Variants in ZNF385D observed in about 807,000 individuals in gnomAD.
ZNF385D encodes zinc finger protein 659.
ZNF385D carries 15 observed loss-of-function variants against 35.8 expected under a neutral mutation model. That is an observed-to-expected ratio of 0.42 (90% CI 0.28 to 0.64). The LOEUF is 0.64. Ranked by LOEUF, ZNF385D falls within the 30% of genes least tolerant of loss-of-function variation. The pLI, the probability that ZNF385D is intolerant of heterozygous loss-of-function variation, is 0.23. For missense variants in ZNF385D, 474 were observed against 494.6 expected (o/e 0.96, Z 0.39); for synonymous variants, 212 against 186.8 (o/e 1.13, Z -1.10).
At chr3:22,372,596 G>C (rs1696962002) in exon 2 of ZNF385D, 1 of 913,342 alleles carries the variant, frequency 1.1e-6, no homozygotes, top group Non-Finnish European at 1.3e-6. Flanking sequence ...CCCGGGAGAC[G>C]CACGGCTGCC....
At chr3:22,285,922 G>A (rs913970194) in intron 2 of ZNF385D, among the ~76,000 whole-genome samples, 21 of 152,062 alleles carry the variant, frequency 1.4e-4, no homozygotes, top group African/African-American at 5.1e-4. Flanking sequence ...TGAGAAAACA[G>A]CAGTAGTTAC....
chr3:21,817,122 G>A (rs999626401), intron 3 of ZNF385D, among the ~76,000 whole-genome samples: 2 of 152,146 alleles, frequency 1.3e-5, no homozygotes, highest in Non-Finnish European at 2.9e-5. Flanking sequence ...GGGAAAACTG[G>A]CTAGCCATAT....
intron 3 of ZNF385D, among the ~76,000 whole-genome samples, chr3:22,117,886 A>G (rs1217737821): frequency 6.6e-6 from 1 of 152,020 alleles, no homozygotes; most frequent in Non-Finnish European, 1.5e-5. Context: ...GTGGATTTTA[A>G]AAACGTAATT....
At chr3:21,924,605 C>T (rs191770665) in intron 3 of ZNF385D, among the ~76,000 whole-genome samples, 294 of 152,142 alleles carry the variant, frequency 1.9e-3, no homozygotes, top group African/African-American at 6.8e-3. Context: ...TCCTTGTCTC[C>T]TGTACCCTTT....
chr3:21,631,950 T>G (rs926497667), intron 2 of ZNF385D, among the ~76,000 whole-genome samples: 1 of 152,144 alleles, frequency 6.6e-6, no homozygotes, highest in Admixed American at 6.6e-5. Flanking sequence ...TAATTTGGAC[T>G]TCATCTAAAA....
intron 3 of ZNF385D, among the ~76,000 whole-genome samples, chr3:21,861,834 A>G (rs1223857636): frequency 3.3e-5 from 5 of 152,088 alleles, no homozygotes; most frequent in African/African-American, 7.2e-5. Context: ...CTCTATGCCA[A>G]TGAGTACCTA....
intron 2 of ZNF385D, among the ~76,000 whole-genome samples, chr3:21,630,489 G>A (rs1298420479): frequency 6.6e-6 from 1 of 151,978 alleles, no homozygotes; most frequent in Non-Finnish European, 1.5e-5. Flanking sequence ...ACAAGCGTGA[G>A]CCACCGCGCC....
At chr3:22,162,752 C>T (rs9852181) in intron 3 of ZNF385D, among the ~76,000 whole-genome samples, 1 of 152,066 alleles carries the variant, frequency 6.6e-6, no homozygotes, top group Non-Finnish European at 1.5e-5. Flanking sequence ...CATGTTAATA[C>T]ATTTGTATAT....
intron 3 of ZNF385D, among the ~76,000 whole-genome samples, chr3:22,149,785 A>C (rs573872596): frequency 6.6e-6 from 1 of 152,290 alleles, no homozygotes; most frequent in South Asian, 2.1e-4. Flanking sequence ...CCTGCAAAAG[A>C]CAATGCGCTT....
At chr3:22,327,580 A>C (rs148091616) in intron 2 of ZNF385D, among the ~76,000 whole-genome samples, 1 of 152,166 alleles carries the variant, frequency 6.6e-6, no homozygotes, top group Non-Finnish European at 1.5e-5. Context: ...GACTAACACA[A>C]ATCTCCATGT....
intron 2 of ZNF385D, among the ~76,000 whole-genome samples, chr3:22,181,425 G>A (rs565354733): frequency 7.9e-5 from 12 of 151,986 alleles, no homozygotes; most frequent in Non-Finnish European, 1.2e-4. Flanking sequence ...GGCCGGGCGC[G>A]GTGTCTCAAG....
chr3:22,294,510 GT>G (rs1221273698), intron 2 of ZNF385D, among the ~76,000 whole-genome samples: 1 of 152,062 alleles, frequency 6.6e-6, no homozygotes, highest in Non-Finnish European at 1.5e-5. Flanking sequence ...ATTAGGGAAT[GT>G]TTTTTATTTC....
intron 3 of ZNF385D, among the ~76,000 whole-genome samples, chr3:21,967,659 A>G (rs1702987317): frequency 6.6e-6 from 1 of 152,222 alleles, no homozygotes; most frequent in Non-Finnish European, 1.5e-5. Context: ...GGGGCTCCTA[A>G]GACTTCTAAC....
intron 2 of ZNF385D, among the ~76,000 whole-genome samples, chr3:22,306,971 C>T (rs931414406): frequency 2.0e-5 from 3 of 152,150 alleles, no homozygotes; most frequent in Non-Finnish European, 4.4e-5. Context: ...GTTCTGCCTA[C>T]ACATGCATTA....
At chr3:21,507,155 C>T (rs1416685981) in intron 4 of ZNF385D, among the ~76,000 whole-genome samples, 2 of 152,070 alleles carry the variant, frequency 1.3e-5, no homozygotes, top group Admixed American at 1.3e-4. Context: ...ACTAGGTTTA[C>T]AATGAAAATT....
intron 3 of ZNF385D, among the ~76,000 whole-genome samples, chr3:21,937,366 G>T (rs1270542279): frequency 3.0e-4 from 45 of 152,042 alleles, no homozygotes; most frequent in Admixed American, 2.9e-3. Context: ...TAATGCCAAT[G>T]ACTTTTACAG....
chr3:21,461,484 G>T (rs988434430), intron 4 of ZNF385D, among the ~76,000 whole-genome samples: 12 of 152,090 alleles, frequency 7.9e-5, no homozygotes, highest in Admixed American at 5.2e-4. Flanking sequence ...GGAGGCAGAG[G>T]TTGCAGTGAG....
intron 4 of ZNF385D, among the ~76,000 whole-genome samples, chr3:21,439,696 A>G (rs1701764120): frequency 6.6e-6 from 1 of 152,066 alleles, no homozygotes; most frequent in South Asian, 2.1e-4. Flanking sequence ...GAATCTTTCG[A>G]TTCCTGTGAC....
intron 1 of ZNF385D, among the ~76,000 whole-genome samples, chr3:21,696,429 GGTT>G (rs1396473705): frequency 1.9e-4 from 29 of 152,204 alleles, no homozygotes; most frequent in African/African-American, 4.3e-4. Flanking sequence ...TACAAATATT[GGTT>G]GTTATTATTA....
Sources: gnomAD v4.1 joint callset for allele counts (sites outside exome capture counted in the v4.1 genomes callset) on GRCh38, gnomAD v4.1.1 for gene constraint, MANE v1.5 for transcripts, NCBI Gene and HGNC (gene_info 2026-07-23, HGNC 2026-07-21) for gene names.